Variants in DMP1 observed in about 807,000 individuals in gnomAD.
DMP1 encodes dentin matrix protein 1.
Under a neutral mutation model 14.6 loss-of-function variants are expected in DMP1, and 20 were observed. The ratio of observed to expected loss-of-function variants is 1.37; its 90% CI spans 0.96 to 1.99. The LOEUF (loss-of-function observed/expected upper bound fraction) is 1.99. Ranked by LOEUF, DMP1 falls within the 30% of genes most tolerant of loss-of-function variation. DMP1 has a pLI of 0.00. For synonymous variants in DMP1, 197 were observed against 215.3 expected (o/e 0.91, Z 0.75); for missense variants, 567 against 620.5 (o/e 0.91, Z 0.92).
intron 5 of DMP1, chr4:87,660,923 G>A (rs796929277): frequency 9.2e-5 from 14 of 152,228 alleles, no homozygotes; most frequent in African/African-American, 3.4e-4. Context: ...AAAAATTGGG[G>A]TCATTTTAAG....
rs776603721 is a variant in DMP1, at chr4:87,661,963, C to T, written c.185C>T (p.Ala62Val). Reference sequence around the variant, plus strand: ...ATATCTGTTAACCCCAAATTCTAGGCAAATGAAGACCCCAGTGACAGCACT... The same window carrying T: ...ATATCTGTTAACCCCAAATTCTAGGTAAATGAAGACCCCAGTGACAGCACT... The part of the protein sequence containing the change: ...EGSKVSSEEQ[A>V]NEDPSDSTQS... Residue 62 changes from alanine (A) to valine (V), a missense_variant and splice_region_variant, in exon 6 of 6, where the codon GCA becomes GTA. By Grantham distance (64) the Ala-to-Val change is moderately conservative. Transcript: ENST00000339673. 2.5e-6 allele frequency: 4 copies of T among 1,614,090 alleles called. No homozygotes were observed. The South Asian group carries it at 4.4e-5, about 18-fold the overall frequency.
chr4:87,653,300 T>G (rs1188547745), intron 1 of DMP1, among the ~76,000 whole-genome samples: 7 of 149,082 alleles, frequency 4.7e-5, no homozygotes, highest in African/African-American at 1.7e-4. Flanking sequence ...TTCTATTATT[T>G]TATTGAATAC....
Position 87,662,266 on chromosome 4 carries a change from G to C in DMP1, c.488G>C (p.Ser163Thr), listed in dbSNP as rs779727624. The C allele has an allele frequency of 1.2e-6, 2 of 1,614,072 alleles. No individual in the cohort carries two copies. The highest frequency in any genetic ancestry group is 8.5e-7 in the Non-Finnish European group (1 of 1,180,056). Residue 163 changes from serine (S) to threonine (T), a missense_variant, in exon 6 of 6, where the codon AGT (serine) becomes ACT (threonine). By Grantham distance (58) the Ser-to-Thr change is moderately conservative. Transcript: ENST00000339673. ...CAAGACAGTGCCCAAGATACCACCAGTGAGAGCAGGGAACTTGACAATGAG... is the reference window on the plus strand; with the variant it reads ...CAAGACAGTGCCCAAGATACCACCACTGAGAGCAGGGAACTTGACAATGAG... ...QGQDSAQDTT[S>T]ESRELDNEDR...
chr4:87,661,659 T>TTC lies in DMP1; in HGVS notation c.184-302_184-301insCT, dbSNP rs1553907094. Among the ~76,000 whole-genome samples the TTC allele has an allele frequency of 4.7e-4, 71 of 151,774 alleles. 1 individual carries two copies. Among genetic ancestry groups the TTC allele is most frequent in the African/African-American group, 1.6e-3 (66 of 41,404 alleles). ...GCCCAGCCCAAGAGTTTTTTTTTTT[T>TTC]TTTTAAGGAATTATATATACAGTAT... On this transcript the variant is annotated intron_variant, in intron 5 of 5. Transcript: ENST00000339673.
Position 87,662,252 on chromosome 4 carries a change from C to A in DMP1, c.474C>A (p.Ala158=). ...EESAPQGQDS[A]QDTTSESREL... ...GTGCCCCACAAGGGCAAGACAGTGC[C>A]CAAGATACCACCAGTGAGAGCAGGG... is the stretch of plus-strand genomic sequence containing the variant. Residue 158 remains alanine (A), a synonymous_variant, in exon 6 of 6, where the codon GCC becomes GCA. Coordinates refer to ENST00000339673, the MANE Select transcript of DMP1 (RefSeq NM_004407.4). The A allele has an allele frequency of 6.2e-7, 1 of 1,614,128 alleles. No homozygotes were observed.
chr4:87,653,214 C>T (rs1488073566), intron 1 of DMP1, among the ~76,000 whole-genome samples: 3 of 151,118 alleles, frequency 2.0e-5, no homozygotes, highest in Non-Finnish European at 4.4e-5. Flanking sequence ...CCATAATATA[C>T]ATGAGAGGTT....
Position 87,661,992 on chromosome 4 carries a change from T to G in DMP1, c.214T>G (p.Ser72Ala), listed in dbSNP as rs1371878664. ...TGAAGACCCCAGTGACAGCACTCAG[T>G]CAGAGGAGGGCCTGGGCTCTGATGA... is the stretch of plus-strand genomic sequence containing the variant. ...ANEDPSDSTQ[S>A]EEGLGSDDHQ... is the part of the protein sequence containing the mutation. Residue 72 changes from serine (S) to alanine (A), a missense_variant, in exon 6 of 6, where the codon TCA (serine) becomes GCA (alanine). By Grantham distance (99) the Ser-to-Ala change is moderately conservative. Transcript: ENST00000339673. 7 of 1,614,162 alleles carry G rather than the reference T, an allele frequency of 4.3e-6. No individual in the cohort carries two copies. The South Asian group carries it at 7.7e-5, about 18-fold the overall frequency.
chr4:87,658,966 T>C (rs564017996), intron 3 of DMP1: 1 of 540,454 alleles, frequency 1.9e-6, no homozygotes, highest in African/African-American at 1.9e-5. Context: ...AAAAAGCATA[T>C]TTATTTCTGT....
chr4:87,661,496 A>C (rs1728877171), intron 5 of DMP1, among the ~76,000 whole-genome samples: 1 of 151,496 alleles, frequency 6.6e-6, no homozygotes, highest in African/African-American at 2.4e-5. Context: ...TGCTGGGATT[A>C]CAGGCGTGAG....
chr4:87,663,011 C>A lies in DMP1; in HGVS notation c.1233C>A (p.Ser411Arg). The part of the protein sequence containing the change: ...EEQADSESSE[S>R]LNFSEESPES... ...AAGCAGACAGCGAATCCAGTGAGAG[C>A]CTCAACTTCTCAGAGGAAAGCCCGG... is the stretch of plus-strand genomic sequence containing the variant. The change falls in exon 6 of 6, where the codon AGC becomes AGA. Residue 411 changes from serine to arginine, a missense_variant. Transcript: ENST00000339673. 19 of 1,614,138 alleles carry A rather than the reference C, an allele frequency of 1.2e-5. No individual in the cohort carries two copies. The highest frequency in any genetic ancestry group is 1.6e-5 in the Non-Finnish European group (19 of 1,180,024).
Position 87,663,404 on chromosome 4 carries a change from G to T in DMP1, c.*84G>T. ...ATCATGATAACTATAATTTATTGAT[G>T]TTTTGATCAAAAGAATAACCAGATG... On this transcript the variant is annotated 3_prime_UTR_variant, in exon 6 of 6. Coordinates refer to ENST00000339673, the MANE Select transcript of DMP1 (RefSeq NM_004407.4). The T allele has an allele frequency of 6.3e-7, 1 of 1,598,716 alleles. No homozygotes were observed. The highest frequency in any genetic ancestry group is 8.6e-7 in the Non-Finnish European group (1 of 1,168,756).
At chr4:87,652,350 G>C (rs894770551) in intron 1 of DMP1, among the ~76,000 whole-genome samples, 2 of 152,084 alleles carry the variant, frequency 1.3e-5, no homozygotes, top group African/African-American at 4.8e-5. Context: ...TGGAGCTCTT[G>C]TTTGGAAATG....
chr4:87,657,122 T>C (rs1275574135), intron 3 of DMP1, 43 bp downstream of exon 3: 2 of 1,133,616 alleles, frequency 1.8e-6, no homozygotes, highest in South Asian at 2.6e-5. Context: ...AATTTTAATT[T>C]ATTATGAGTA....
At chr4:87,654,014 G>C (rs1203434333) in intron 1 of DMP1, among the ~76,000 whole-genome samples, 1 of 152,162 alleles carries the variant, frequency 6.6e-6, no homozygotes, top group African/African-American at 2.4e-5. Flanking sequence ...GGACAAAAAG[G>C]TTTTGACCTT....
rs752731633 is a variant in DMP1, at chr4:87,663,145, C to T, written c.1367C>T (p.Ser456Phe). 1.2e-6 allele frequency: 2 copies of T among 1,614,182 alleles called. No homozygotes were observed. Among genetic ancestry groups the T allele is most frequent in the South Asian group, 2.2e-5 (2 of 91,084 alleles). The change falls in exon 6 of 6, where the codon TCT (serine) becomes TTT (phenylalanine). Residue 456 changes from serine to phenylalanine, a missense_variant. Physicochemically the swap from Ser to Phe is radical, Grantham distance 155. Coordinates refer to ENST00000339673, the MANE Select transcript of DMP1 (RefSeq NM_004407.4). ...CATTCTGAGGAAGACGACAGTGACT[C>T]TCAAGACAGCAGCAGATCCAAAGAA... ...ESHSEEDDSDSQDSSRSKEDS... is the reference protein window; with the variant it reads ...ESHSEEDDSDFQDSSRSKEDS...
In DMP1 at chr4:87,661,980, G is replaced by A; in HGVS notation, c.202G>A (p.Asp68Asn). Residue 68 changes from aspartate to asparagine, a missense_variant, in exon 6 of 6, where the codon GAC (aspartate) becomes AAC (asparagine). Transcript: ENST00000339673. ...SEEQANEDPSDSTQSEEGLGS... is the reference protein window; with the variant it reads ...SEEQANEDPSNSTQSEEGLGS... ...ATTCTAGGCAAATGAAGACCCCAGTGACAGCACTCAGTCAGAGGAGGGCCT... is the reference window on the plus strand; with the variant it reads ...ATTCTAGGCAAATGAAGACCCCAGTAACAGCACTCAGTCAGAGGAGGGCCT... 3 of 1,614,156 alleles carry A rather than the reference G, an allele frequency of 1.9e-6. No homozygotes were observed. The highest frequency in any genetic ancestry group is 2.5e-6 in the Non-Finnish European group (3 of 1,180,032).
chr4:87,661,514 G>A (rs1181248533), intron 5 of DMP1, among the ~76,000 whole-genome samples: 1 of 151,524 alleles, frequency 6.6e-6, no homozygotes, highest in South Asian at 2.1e-4. Context: ...GAGCCACCGC[G>A]CCCGGCCTGC....
intron 1 of DMP1, among the ~76,000 whole-genome samples, chr4:87,652,144 G>C (rs1728543592): frequency 6.6e-6 from 1 of 152,024 alleles, no homozygotes; most frequent in African/African-American, 2.4e-5. Context: ...ATTTCCTTTT[G>C]TTACGTCATC....
At chr4:87,661,688 T>C (rs1728887834) in intron 5 of DMP1, among the ~76,000 whole-genome samples, 1 of 151,298 alleles carries the variant, frequency 6.6e-6, no homozygotes, top group African/African-American at 2.4e-5. Flanking sequence ...ACAGTATGAT[T>C]TGAATTTCAT....
Sources: allele counts gnomAD v4.1 joint callset (sites outside exome capture counted in the v4.1 genomes callset), GRCh38; gene constraint gnomAD v4.1.1; transcripts MANE v1.5; gene names NCBI Gene and HGNC (gene_info 2026-07-23, HGNC 2026-07-21).